PTPRG: variants seen among roughly 807,000 people sequenced by gnomAD.
PTPRG encodes the protein protein tyrosine phosphatase receptor type G.
In PTPRG, 102 loss-of-function variants were observed where a neutral mutation model predicts 165.3. The observed-to-expected ratio is 0.62, with a 90% CI of 0.53 to 0.73. PTPRG has a LOEUF of 0.73. PTPRG is among the 30% of genes least tolerant of loss of function. The pLI is 0.00. For synonymous variants in PTPRG, 675 were observed against 669.5 expected (o/e 1.01, Z -0.13); for missense variants, 1,866 against 1,861.4 (o/e 1.00, Z -0.05).
intron 1 of PTPRG, among the ~76,000 whole-genome samples, chr3:61,625,613 A>G (rs1448379141): frequency 1.3e-5 from 2 of 152,146 alleles, no homozygotes; most frequent in South Asian, 2.1e-4. Flanking sequence ...TCTTTAGAGT[A>G]GTGTTGATGT....
chr3:62,132,199 A>C lies in PTPRG; in HGVS notation c.616-403A>C, dbSNP rs1246859482. Among the ~76,000 whole-genome samples, 3 of 152,222 alleles carry C rather than the reference A, an allele frequency of 2.0e-5. No homozygotes were observed. The East Asian group carries it at 5.8e-4, about 29-fold the overall frequency. On this transcript the variant is annotated intron_variant, in intron 5 of 29. Transcript: ENST00000474889. ...GCAGAAAACAGATTCATTTTCTAAA[A>C]AGAAGGGAAAAACACAGTCACCAGA...
intron 1 of PTPRG, among the ~76,000 whole-genome samples, chr3:61,701,464 T>G (rs1244812058): frequency 6.6e-6 from 1 of 152,182 alleles, no homozygotes; most frequent in African/African-American, 2.4e-5. Context: ...ATGATTATAA[T>G]AGTAATATTT....
At chr3:62,282,607 A>G in intron 27 of PTPRG, 120 bp from the exon 28 acceptor site, 2 of 972,042 alleles carry the variant, frequency 2.1e-6, no homozygotes, top group Non-Finnish European at 2.9e-6. Flanking sequence ...TGGTTTGGTT[A>G]ACACAACATT....
At chr3:62,291,053 A>G (rs1702873468) in intron 28 of PTPRG, among the ~76,000 whole-genome samples, 1 of 152,182 alleles carries the variant, frequency 6.6e-6, no homozygotes, top group Non-Finnish European at 1.5e-5. Context: ...GGAAGAGGCA[A>G]ACTTAGTAGA....
At chr3:61,901,499 G>C (rs1053830305) in intron 2 of PTPRG, among the ~76,000 whole-genome samples, 3 of 152,196 alleles carry the variant, frequency 2.0e-5, no homozygotes, top group African/African-American at 4.8e-5. Context: ...AACCTTGGAT[G>C]TACTGTTTCA....
intron 2 of PTPRG, among the ~76,000 whole-genome samples, chr3:61,851,147 C>A (rs886872232): frequency 3.3e-5 from 5 of 152,150 alleles, no homozygotes; most frequent in Admixed American, 1.3e-4. Context: ...GTCAGTGTTG[C>A]AAACAACTGA....
intron 1 of PTPRG, among the ~76,000 whole-genome samples, chr3:61,604,386 G>A (rs551067946): frequency 2.9e-4 from 44 of 152,264 alleles, no homozygotes; most frequent in African/African-American, 1.1e-3. Flanking sequence ...ACGGGAGGTT[G>A]TAATAATTCA....
At chr3:61,845,622 G>C (rs1057085728) in intron 2 of PTPRG, among the ~76,000 whole-genome samples, 1 of 152,124 alleles carries the variant, frequency 6.6e-6, no homozygotes, top group Non-Finnish European at 1.5e-5. Context: ...CTCTGTAAAG[G>C]TGTATATTGT....
intron 4 of PTPRG, among the ~76,000 whole-genome samples, chr3:62,027,407 C>G (rs1699597408): frequency 6.6e-6 from 1 of 152,088 alleles, no homozygotes; most frequent in East Asian, 1.9e-4. Context: ...CTATTGCATT[C>G]CTCCTGCCAC....
rs146212263 is a variant in PTPRG at position 61,794,208 on chromosome 3, A to C, written c.190+45226A>C. Among the ~76,000 whole-genome samples the C allele has an allele frequency of 4.9e-3, 748 of 152,344 alleles. 4 individuals carry two copies. Among genetic ancestry groups the C allele is most frequent in the Middle Eastern group, 0.017 (5 of 294 alleles). ...CTCCATTTTACTTTAAAAAAAAATC[A>C]GAATAGAATTTGTATAATTATTATG... is the stretch of plus-strand genomic sequence containing the variant. On this transcript the variant is annotated intron_variant, in intron 2 of 29. Transcript: ENST00000474889.
chr3:61,580,238 T>C (rs935331634), intron 1 of PTPRG, among the ~76,000 whole-genome samples: 3 of 152,004 alleles, frequency 2.0e-5, no homozygotes, highest in Non-Finnish European at 4.4e-5. Context: ...GCCCAGGAGT[T>C]TGCAGCCAGT....
At chr3:61,961,622 G>A (rs571012397) in intron 2 of PTPRG, among the ~76,000 whole-genome samples, 1 of 152,244 alleles carries the variant, frequency 6.6e-6, no homozygotes, top group South Asian at 2.1e-4. Flanking sequence ...AATAGAAACA[G>A]ACTGAGAAAA....
At chr3:62,269,215 C>T (rs753358774) in intron 20 of PTPRG, 46 bp downstream of exon 20, 102 of 1,504,596 alleles carry the variant, frequency 6.8e-5, no homozygotes, top group Non-Finnish European at 8.4e-5. Context: ...CCTTTTTATA[C>T]TTGTATGAAA....
intron 2 of PTPRG, among the ~76,000 whole-genome samples, chr3:61,807,233 G>C (rs935615180): frequency 6.6e-6 from 1 of 152,172 alleles, no homozygotes; most frequent in Non-Finnish European, 1.5e-5. Flanking sequence ...TTAATAGTTT[G>C]TCAAAGATTG....
At chr3:61,900,338 A>T (rs2107519615) in intron 2 of PTPRG, among the ~76,000 whole-genome samples, 1 of 152,314 alleles carries the variant, frequency 6.6e-6, no homozygotes. Context: ...AAAATAAATG[A>T]CTTCTACCAT....
In PTPRG at chr3:62,282,856, A is replaced by G; in HGVS notation, c.4042A>G (p.Ile1348Val). ...EEALTRDGPTIVHDEYGAVSA... is the reference protein window; with the variant it reads ...EEALTRDGPTVVHDEYGAVSA... Reference sequence around the variant, plus strand: ...GGCCTTAACAAGGGATGGTCCCACCATTGTTCATGATGAGTATGTATCTGT... The same window carrying G: ...GGCCTTAACAAGGGATGGTCCCACCGTTGTTCATGATGAGTATGTATCTGT... The change falls in exon 28 of 30, where the codon ATT becomes GTT. Residue 1348 changes from isoleucine to valine, a missense_variant. By Grantham distance (29) the Ile-to-Val change is conservative (BLOSUM62 3). Coordinates refer to ENST00000474889, the MANE Select transcript of PTPRG (RefSeq NM_002841.4). 6.2e-7 allele frequency: 1 copy of G among 1,608,066 alleles called. No homozygotes were observed. The highest frequency in any genetic ancestry group is 8.5e-7 in the Non-Finnish European group (1 of 1,176,436).
intron 2 of PTPRG, among the ~76,000 whole-genome samples, chr3:61,974,512 C>T (rs967057021): frequency 4.6e-5 from 7 of 151,928 alleles, no homozygotes; most frequent in Admixed American, 3.3e-4. Context: ...AAGATCATGC[C>T]GTTGCACTAC....
At chr3:62,275,333 C>G (rs1191520741) in intron 23 of PTPRG, among the ~76,000 whole-genome samples, 1 of 105,942 alleles carries the variant, frequency 9.4e-6, no homozygotes, top group Non-Finnish European at 1.9e-5. Flanking sequence ...TGTAGACTCA[C>G]GTAGGTCTTT....
chr3:61,718,051 G>A (rs1369508615), intron 1 of PTPRG, among the ~76,000 whole-genome samples: 2 of 149,844 alleles, frequency 1.3e-5, no homozygotes, highest in South Asian at 2.1e-4. Context: ...ATGGTGGTGC[G>A]GGCACCTGTA....
Sources: allele counts gnomAD v4.1 joint callset (sites outside exome capture counted in the v4.1 genomes callset), GRCh38; gene constraint gnomAD v4.1.1; transcripts MANE v1.5; gene names NCBI Gene and HGNC (gene_info 2026-07-23, HGNC 2026-07-21).